ABCC4: variants seen among roughly 807,000 people sequenced by gnomAD.
ABCC4 encodes the protein ATP-binding cassette sub-family C member 4.
In ABCC4, 102 loss-of-function variants were observed where a neutral mutation model predicts 168.5. The observed-to-expected ratio is 0.61, with a 90% CI of 0.52 to 0.71. ABCC4 has a LOEUF of 0.71. Among genes scored for constraint, ABCC4 ranks in the 30% least tolerant of loss-of-function variants. ABCC4 has a pLI of 0.00. For synonymous variants in ABCC4, 617 were observed against 590.7 expected, an observed-to-expected ratio of 1.04 and a Z score of -0.65; for missense variants, 1,402 against 1,605.8, an observed-to-expected ratio of 0.87 and a Z score of 2.17.
intron 20 of ABCC4, among the ~76,000 whole-genome samples, chr13:95,090,106 TG>T (rs1315745912): frequency 6.6e-6 from 1 of 152,092 alleles, no homozygotes; most frequent in Non-Finnish European, 1.5e-5. Context: ...CCAAATACTC[TG>T]CAGCAAGACC....
intron 19 of ABCC4, among the ~76,000 whole-genome samples, chr13:95,118,991 T>A (rs960294896): frequency 2.9e-4 from 44 of 152,166 alleles, no homozygotes; most frequent in African/African-American, 9.9e-4. Context: ...TTATCTCTCA[T>A]AACACACAGG....
intron 25 of ABCC4, among the ~76,000 whole-genome samples, chr13:95,069,240 C>T (rs1268955398): frequency 2.6e-5 from 4 of 152,138 alleles, no homozygotes; most frequent in Non-Finnish European, 4.4e-5. Context: ...TTTGTATGTG[C>T]ATATCCCTCA....
At chr13:95,216,169 A>G (rs2039103543) in intron 4 of ABCC4, among the ~76,000 whole-genome samples, 1 of 152,210 alleles carries the variant, frequency 6.6e-6, no homozygotes, top group African/African-American at 2.4e-5. Flanking sequence ...AACTCAAACT[A>G]CTTACATCTG....
intron 27 of ABCC4, among the ~76,000 whole-genome samples, chr13:95,050,669 T>C (rs1238316872): frequency 2.0e-5 from 3 of 152,148 alleles, no homozygotes; most frequent in Non-Finnish European, 4.4e-5. Context: ...AAGACAATGA[T>C]GGGATAATTT....
At chr13:95,196,586 A>G (rs146675493) in intron 8 of ABCC4, among the ~76,000 whole-genome samples, 387 of 37,442 alleles carry the variant, frequency 0.01, 1 homozygote, top group African/African-American at 0.049. Context: ...GGAAAGGAGG[A>G]AGGAAGGAAG....
intron 20 of ABCC4, among the ~76,000 whole-genome samples, chr13:95,100,027 A>C (rs758442146): frequency 2.6e-5 from 4 of 152,356 alleles, no homozygotes; most frequent in Non-Finnish European, 5.9e-5. Flanking sequence ...AAATGAATGT[A>C]ATCAATCAAG....
At chr13:95,169,082 T>C (rs544325467) in intron 14 of ABCC4, among the ~76,000 whole-genome samples, 2 of 152,172 alleles carry the variant, frequency 1.3e-5, no homozygotes, top group South Asian at 2.1e-4. Flanking sequence ...GGATCAACAG[T>C]GAGTGCCAGC....
intron 21 of ABCC4, among the ~76,000 whole-genome samples, chr13:95,082,645 T>C (rs1280018839): frequency 2.0e-5 from 3 of 152,210 alleles, no homozygotes; most frequent in African/African-American, 4.8e-5. Context: ...GCAAAAGTCA[T>C]AAATTTACCA....
At position 95,054,021 on chromosome 13, in the gene ABCC4, C is replaced by CTTTTT. The variant is rs55980425; in HGVS notation, c.3367-842_3367-838dup. On this transcript the variant is annotated intron_variant, in intron 26 of 30. Coordinates refer to ENST00000645237, the MANE Select transcript of ABCC4 (RefSeq NM_005845.5). The stretch of plus-strand genomic sequence containing the variant: ...CTCTCCAATGTCAGAATGGGACATC[C>CTTTTT]TTTTTTTTTTTTTTTTTTTTTTTTT... The CTTTTT allele has an allele frequency of 1.3e-3, 92 of 71,630 alleles. 11 individuals carry two copies. The highest frequency in any genetic ancestry group is 5.3e-3 in the African/African-American group (73 of 13,778). 4.4% of individuals were successfully genotyped at this position (71,630 alleles called of 1,614,324 possible).
chr13:95,255,723 T>C (rs1353395040), intron 1 of ABCC4, among the ~76,000 whole-genome samples: 2 of 152,228 alleles, frequency 1.3e-5, no homozygotes, highest in East Asian at 1.9e-4. Flanking sequence ...CAACAGGCAA[T>C]GTGGACCCTG....
chr13:95,234,619 A>T lies in ABCC4; in HGVS notation c.522T>A (p.Ile174=). Residue 174 remains isoleucine, a synonymous_variant, in exon 4 of 31, where the codon ATT becomes ATA. Transcript: ENST00000645237. ...MRLRVAMCHM[I]YRKALRLSNM... is the part of the protein sequence containing the mutation. ...GCTGAATGTCACTTACCTTCCGATAAATCATATGGCACATGGCTACTCGTA... is the reference window on the plus strand; with the variant it reads ...GCTGAATGTCACTTACCTTCCGATATATCATATGGCACATGGCTACTCGTA... 1 of 1,613,520 alleles carries T rather than the reference A, an allele frequency of 6.2e-7. No individual in the cohort carries two copies. The highest frequency in any genetic ancestry group is 8.5e-7 in the Non-Finnish European group (1 of 1,179,518).
At chr13:95,033,926 G>A (rs1416752785) in intron 30 of ABCC4, among the ~76,000 whole-genome samples, 1 of 152,156 alleles carries the variant, frequency 6.6e-6, no homozygotes, top group Non-Finnish European at 1.5e-5. Context: ...CTCCCAAAGT[G>A]CTGGGATTAC....
At chr13:95,133,594 C>T (rs2036047871) in intron 19 of ABCC4, among the ~76,000 whole-genome samples, 2 of 152,120 alleles carry the variant, frequency 1.3e-5, no homozygotes. Context: ...CTGTCACCAA[C>T]TGGTGAGAGA....
chr13:95,173,699 G>A (rs987313447), intron 13 of ABCC4, among the ~76,000 whole-genome samples: 1 of 152,206 alleles, frequency 6.6e-6, no homozygotes, highest in Non-Finnish European at 1.5e-5. Flanking sequence ...TAGAGGACCT[G>A]AAAGAGGGAA....
At chr13:95,237,979 G>A (rs2039821364) in intron 3 of ABCC4, among the ~76,000 whole-genome samples, 1 of 151,992 alleles carries the variant, frequency 6.6e-6, no homozygotes, top group South Asian at 2.1e-4. Context: ...CAGATCACTT[G>A]AGGTCAGGAG....
intron 1 of ABCC4, among the ~76,000 whole-genome samples, chr13:95,253,037 CT>C (rs1367695862): frequency 1.3e-5 from 2 of 152,164 alleles, no homozygotes; most frequent in Non-Finnish European, 2.9e-5. Flanking sequence ...ATCTGAATGC[CT>C]TTTATTCCTC....
At chr13:95,033,852 G>C (rs1033783490) in intron 30 of ABCC4, among the ~76,000 whole-genome samples, 8 of 152,150 alleles carry the variant, frequency 5.3e-5, no homozygotes, top group Middle Eastern at 3.4e-3. Context: ...AGTAGAGACG[G>C]GGTTTCTCCG....
intron 1 of ABCC4, among the ~76,000 whole-genome samples, chr13:95,254,352 C>G (rs1166072720): frequency 6.6e-6 from 1 of 151,990 alleles, no homozygotes; most frequent in Non-Finnish European, 1.5e-5. Context: ...AAATGATGGT[C>G]ATAATTTTGC....
chr13:95,202,330 T>A (rs2038650305), intron 8 of ABCC4, among the ~76,000 whole-genome samples: 2 of 152,322 alleles, frequency 1.3e-5, no homozygotes, highest in East Asian at 3.9e-4. Flanking sequence ...TCAATCAATC[T>A]ACCAATCTCT....
Sources: gnomAD v4.1 joint callset for allele counts (sites outside exome capture counted in the v4.1 genomes callset) on GRCh38, gnomAD v4.1.1 for gene constraint, MANE v1.5 for transcripts, NCBI Gene and HGNC (gene_info 2026-07-23, HGNC 2026-07-21) for gene names.